Variants in KAT7 observed in about 807,000 individuals in gnomAD.
KAT7 encodes the protein histone acetyltransferase KAT7.
KAT7 carries 10 observed loss-of-function variants against 82.1 expected under a neutral mutation model. The ratio of observed to expected loss-of-function variants is 0.12; its 90% CI spans 0.08 to 0.21. The LOEUF (loss-of-function observed/expected upper bound fraction) is 0.21. Ranked by LOEUF, KAT7 falls within the 10% of genes least tolerant of loss-of-function variation. The probability of loss-of-function intolerance (pLI) is 1.00; values close to 1 mark genes in which losing one functional copy is unlikely to be tolerated. For missense variants in KAT7, 378 were observed against 760.9 expected (o/e 0.50, Z 5.92); for synonymous variants, 250 against 262.5 (o/e 0.95, Z 0.46).
At position 49,788,772 on chromosome 17, in the gene KAT7, G is replaced by A; in HGVS notation, c.-63G>A. 6.5e-7 allele frequency: 1 copy of A among 1,545,092 alleles called. No homozygotes were observed. Among genetic ancestry groups the A allele is most frequent in the South Asian group, 1.2e-5 (1 of 84,302 alleles). On this transcript the variant is annotated 5_prime_UTR_variant, in exon 1 of 15. Transcript: ENST00000259021. ...AGAGGCCGCCACGGAGCCCGCCGGA[G>A]CCACCGTTCCTGCTGCTGCCGCCGC...
chr17:49,804,385 A>G (rs1297547172), intron 4 of KAT7, among the ~76,000 whole-genome samples: 2 of 152,168 alleles, frequency 1.3e-5, no homozygotes, highest in Non-Finnish European at 2.9e-5. Flanking sequence ...TCTCAAAAAA[A>G]AAAAAAAGAA....
chr17:49,790,689 A>G (rs1421160409), intron 1 of KAT7, among the ~76,000 whole-genome samples: 1 of 152,190 alleles, frequency 6.6e-6, no homozygotes, highest in Non-Finnish European at 1.5e-5. Context: ...TGTCTCATTT[A>G]GTGTGACTGT....
At chr17:49,795,768 T>C (rs1161548140) in intron 2 of KAT7, 2 of 226,104 alleles carry the variant, frequency 8.8e-6, no homozygotes, top group Non-Finnish European at 1.9e-5. Flanking sequence ...GGTTTCTGGT[T>C]CCCCTACACT....
intron 6 of KAT7, 105 bp downstream of exon 6, chr17:49,809,313 T>A (rs2074132195): frequency 1.3e-6 from 1 of 759,324 alleles, no homozygotes; most frequent in Non-Finnish European, 2.2e-6. Flanking sequence ...TCCTGTGGTA[T>A]ATCTTCCAGA....
At chr17:49,789,585 A>T (rs1361392621) in intron 1 of KAT7, 1 of 152,224 alleles carries the variant, frequency 6.6e-6, no homozygotes, top group Non-Finnish European at 1.5e-5. Flanking sequence ...AGCTGAACTA[A>T]CGGAGGCCCA....
chr17:49,801,370 G>A (rs2074022682), intron 4 of KAT7, among the ~76,000 whole-genome samples: 2 of 152,106 alleles, frequency 1.3e-5, no homozygotes, highest in African/African-American at 4.8e-5. Flanking sequence ...TTTTTTAGTA[G>A]AGACAGGGCT....
intron 12 of KAT7, among the ~76,000 whole-genome samples, chr17:49,824,222 G>T (rs1454025332): frequency 6.6e-6 from 1 of 152,162 alleles, no homozygotes; most frequent in Non-Finnish European, 1.5e-5. Context: ...GGTTCTCAGT[G>T]ACTTTATAAA....
intron 13 of KAT7, 40 bp from the exon 14 acceptor site, chr17:49,826,653 C>A: frequency 7.0e-7 from 1 of 1,418,782 alleles, no homozygotes; most frequent in Non-Finnish European, 1.0e-6. Flanking sequence ...GGGTGGGAAC[C>A]TGCACTTTGG....
chr17:49,814,250 A>T (rs1012637170), intron 7 of KAT7, among the ~76,000 whole-genome samples: 1 of 152,128 alleles, frequency 6.6e-6, no homozygotes, highest in Non-Finnish European at 1.5e-5. Flanking sequence ...GAATACATGG[A>T]CATAGGCCAA....
At chr17:49,807,709 A>G (rs1191494696) in intron 5 of KAT7, among the ~76,000 whole-genome samples, 1 of 152,212 alleles carries the variant, frequency 6.6e-6, no homozygotes, top group South Asian at 2.1e-4. Flanking sequence ...AAGTTCAGGC[A>G]GTAGTTGGTG....
intron 2 of KAT7, 43 bp downstream of exon 2, chr17:49,792,076 CT>C: frequency 6.3e-7 from 1 of 1,587,378 alleles, no homozygotes; most frequent in Non-Finnish European, 8.6e-7. Context: ...TCACATCTGG[CT>C]GACTGGCCCA....
intron 2 of KAT7, among the ~76,000 whole-genome samples, chr17:49,795,058 A>T (rs1165570038): frequency 6.6e-6 from 1 of 151,608 alleles, no homozygotes; most frequent in Admixed American, 6.6e-5. Context: ...TGAGAGAGTG[A>T]GGCTGACACC....
intron 7 of KAT7, among the ~76,000 whole-genome samples, chr17:49,812,369 C>T (rs1393859197): frequency 2.0e-5 from 3 of 150,748 alleles, no homozygotes; most frequent in East Asian, 2.0e-4. Flanking sequence ...GGATTACAGA[C>T]ATGTGCCACC....
intron 2 of KAT7, among the ~76,000 whole-genome samples, chr17:49,792,291 ATTTGTTTG>A (rs769563388): frequency 6.6e-6 from 1 of 152,112 alleles, no homozygotes; most frequent in African/African-American, 2.4e-5. Flanking sequence ...GTCTTGAGTC[ATTTGTTTG>A]TTTGTTTGTT....
intron 12 of KAT7, among the ~76,000 whole-genome samples, chr17:49,825,260 T>G (rs1481793661): frequency 6.6e-6 from 1 of 152,214 alleles, no homozygotes; most frequent in Non-Finnish European, 1.5e-5. Flanking sequence ...GCTTCATCAT[T>G]TGGGTTTTTT....
Position 49,809,281 on chromosome 17 carries a change from TC to T in KAT7, c.753+74del, listed in dbSNP as rs1185551376. The T allele has an allele frequency of 1.4e-5, 15 of 1,068,740 alleles. No homozygotes were observed. In the African/African-American group the frequency reaches 2.3e-4, roughly 17 times the overall value. 66.2% of individuals were successfully genotyped at this position (1,068,740 alleles called of 1,614,324 possible). A position where few individuals can be genotyped will look rare whatever the true frequency, so the allele number is the denominator to read the frequency against. ...TCTTGGATCTCCTCTATAATTGTCT[TC>T]AGGCATGTCTGTGCCTCATTTCCTG... On this transcript the variant is annotated intron_variant, in intron 6 of 14. Coordinates refer to ENST00000259021, the MANE Select transcript of KAT7 (RefSeq NM_007067.5).
Position 49,791,892 on chromosome 17 carries a change from G to A in KAT7, c.22G>A (p.Ala8Thr), listed in dbSNP as rs755232784. ...TGGATCTATGGTATTACAGAGGAAT[G>A]CAGGCAGTAGTTCAGATGGAACCGA... is the stretch of plus-strand genomic sequence containing the variant. MPRRKRN[A>T]GSSSDGTEDS... Residue 8 changes from alanine to threonine, a missense_variant, in exon 2 of 15, where the codon GCA (alanine) becomes ACA (threonine). By Grantham distance (58) the Ala-to-Thr change is moderately conservative. Transcript: ENST00000259021. The A allele has an allele frequency of 6.2e-7, 1 of 1,613,944 alleles. No individual in the cohort carries two copies. The highest frequency in any genetic ancestry group is 1.3e-5 in the African/African-American group (1 of 74,930).
At chr17:49,818,742 GTTT>G (rs57232662) in intron 9 of KAT7, among the ~76,000 whole-genome samples, 2 of 142,144 alleles carry the variant, frequency 1.4e-5, no homozygotes. Context: ...ACTTTTTCTT[GTTT>G]TTTTTTTTTT....
intron 8 of KAT7, among the ~76,000 whole-genome samples, chr17:49,817,476 A>C (rs1435897906): frequency 6.6e-6 from 1 of 152,104 alleles, no homozygotes; most frequent in Non-Finnish European, 1.5e-5. Context: ...AAACAAAGAT[A>C]ATATTTATTT....
Sources: gnomAD v4.1 joint callset for allele counts (sites outside exome capture counted in the v4.1 genomes callset) on GRCh38, gnomAD v4.1.1 for gene constraint, MANE v1.5 for transcripts, NCBI Gene and HGNC (gene_info 2026-07-23, HGNC 2026-07-21) for gene names.